Variants in AGBL1 observed in about 807,000 individuals in gnomAD.
The protein encoded by AGBL1 is cytosolic carboxypeptidase 4.
AGBL1 carries 130 observed loss-of-function variants against 118.9 expected under a neutral mutation model. The ratio of observed to expected loss-of-function variants is 1.09; its 90% CI spans 0.95 to 1.26. The LOEUF (loss-of-function observed/expected upper bound fraction) is 1.26. Ranked by LOEUF, AGBL1 falls within the 50% of genes most tolerant of loss-of-function variation. The pLI, the probability that AGBL1 is intolerant of heterozygous loss-of-function variation, is 0.00. For missense variants in AGBL1, 1,584 were observed against 1,298.1 expected, an observed-to-expected ratio of 1.22 and a Z score of -3.38; for synonymous variants, 555 against 478.9, an observed-to-expected ratio of 1.16 and a Z score of -2.08.
intron 22 of AGBL1, among the ~76,000 whole-genome samples, chr15:86,819,716 C>T (rs987040564): frequency 1.3e-5 from 2 of 152,072 alleles, no homozygotes; most frequent in African/African-American, 2.4e-5. Context: ...GGCTATACTG[C>T]CCAAAGTAAT....
intron 18 of AGBL1, among the ~76,000 whole-genome samples, chr15:86,415,253 T>C (rs1806511057): frequency 1.3e-5 from 2 of 152,098 alleles, no homozygotes; most frequent in African/African-American, 4.8e-5. Context: ...GGAAAGAAGA[T>C]CCCTTTGGCT....
intron 1 of AGBL1, among the ~76,000 whole-genome samples, chr15:86,122,298 T>A (rs1898137456): frequency 6.6e-6 from 1 of 152,162 alleles, no homozygotes; most frequent in African/African-American, 2.4e-5. Flanking sequence ...ATGTAGATAT[T>A]CCCGTGAAAG....
intron 1 of AGBL1, among the ~76,000 whole-genome samples, chr15:86,085,717 C>G (rs945163819): frequency 7.9e-5 from 12 of 152,180 alleles, no homozygotes; most frequent in African/African-American, 2.9e-4. Context: ...GGAGGAAGGG[C>G]TGGGATGAAC....
intron 19 of AGBL1, 48 bp from the exon 20 acceptor site, chr15:86,545,954 C>T (rs1288598656): frequency 6.3e-7 from 1 of 1,590,466 alleles, no homozygotes; most frequent in African/African-American, 1.3e-5. Context: ...ATTTAAGAAA[C>T]CAATGACCTG....
At chr15:86,849,887 G>A (rs927547317) in intron 22 of AGBL1, among the ~76,000 whole-genome samples, 3 of 152,182 alleles carry the variant, frequency 2.0e-5, no homozygotes, top group African/African-American at 4.8e-5. Context: ...TCGACATCAC[G>A]CTTTAATTTT....
intron 21 of AGBL1, among the ~76,000 whole-genome samples, chr15:86,587,990 G>C (rs1567072206): frequency 1.3e-5 from 2 of 152,128 alleles, no homozygotes; most frequent in East Asian, 3.9e-4. Context: ...CTTTGTATAT[G>C]TATGCATGTA....
chr15:86,747,823 G>C (rs1193941308), intron 22 of AGBL1, among the ~76,000 whole-genome samples: 1 of 152,096 alleles, frequency 6.6e-6, no homozygotes, highest in African/African-American at 2.4e-5. Context: ...ATTTTTTATG[G>C]CTGCATACTA....
chr15:86,257,853 C>T, intron 8 of AGBL1, 111 bp from the exon 9 acceptor site: 1 of 973,060 alleles, frequency 1.0e-6, no homozygotes, highest in Non-Finnish European at 1.6e-6. Flanking sequence ...TAATATTGGG[C>T]CCCTTATTTG....
intron 17 of AGBL1, among the ~76,000 whole-genome samples, chr15:86,381,736 G>A (rs191744462): frequency 1.1e-4 from 16 of 152,250 alleles, no homozygotes; most frequent in African/African-American, 3.1e-4. Context: ...AAGAGAGGGC[G>A]TGAGAGGGCT....
At chr15:86,471,008 C>G (rs371124648) in intron 18 of AGBL1, among the ~76,000 whole-genome samples, 1 of 152,106 alleles carries the variant, frequency 6.6e-6, no homozygotes, top group Admixed American at 6.5e-5. Context: ...ATTTTTATGC[C>G]TTTTATTTCC....
At chr15:86,364,199 A>G (rs1388456807) in intron 17 of AGBL1, among the ~76,000 whole-genome samples, 2 of 152,214 alleles carry the variant, frequency 1.3e-5, no homozygotes, top group Non-Finnish European at 2.9e-5. Context: ...TGTGAAATTC[A>G]GGATCCTCCA....
At chr15:86,888,710 G>A (rs2080007485) in intron 22 of AGBL1, among the ~76,000 whole-genome samples, 1 of 151,898 alleles carries the variant, frequency 6.6e-6, no homozygotes, top group African/African-American at 2.4e-5. Context: ...TGTGCTTATG[G>A]CCTCAAGCTG....
chr15:86,315,717 C>CAAAA (rs35136419), intron 17 of AGBL1, among the ~76,000 whole-genome samples: 14 of 127,494 alleles, frequency 1.1e-4, no homozygotes, highest in African/African-American at 3.5e-4. Context: ...GACTTTTTCT[C>CAAAA]AAAAAAAAAA....
intron 22 of AGBL1, among the ~76,000 whole-genome samples, chr15:86,812,658 T>C (rs1312165552): frequency 6.6e-6 from 1 of 152,118 alleles, no homozygotes; most frequent in Non-Finnish European, 1.5e-5. Flanking sequence ...TAGAGCACAG[T>C]AGATCTGCAA....
At chr15:86,783,916 C>T (rs773487030) in intron 22 of AGBL1, among the ~76,000 whole-genome samples, 4 of 152,186 alleles carry the variant, frequency 2.6e-5, no homozygotes, top group Non-Finnish European at 5.9e-5. Context: ...CAGGCGTGAG[C>T]CACCATGCCT....
intron 21 of AGBL1, among the ~76,000 whole-genome samples, chr15:86,660,240 C>T (rs1015647186): frequency 2.6e-5 from 4 of 151,842 alleles, no homozygotes; most frequent in Non-Finnish European, 5.9e-5. Flanking sequence ...GCCGATTGAC[C>T]GGGGCTTCAT....
chr15:86,743,773 G>T (rs2077715309), intron 22 of AGBL1, among the ~76,000 whole-genome samples: 1 of 152,046 alleles, frequency 6.6e-6, no homozygotes, highest in African/African-American at 2.4e-5. Context: ...TATTGGAAAG[G>T]TTATGAGTTG....
At chr15:86,706,503 A>C (rs184967678) in intron 22 of AGBL1, among the ~76,000 whole-genome samples, 1 of 151,948 alleles carries the variant, frequency 6.6e-6, no homozygotes, top group Non-Finnish European at 1.5e-5. Flanking sequence ...ACAACCTTGC[A>C]CTCATCTCCT....
intron 21 of AGBL1, among the ~76,000 whole-genome samples, chr15:86,563,614 T>G (rs1164510308): frequency 6.6e-6 from 1 of 152,048 alleles, no homozygotes; most frequent in Non-Finnish European, 1.5e-5. Context: ...TCTGTTGATT[T>G]GGGGTGGATG....
Sources: gnomAD v4.1 joint callset for allele counts (sites outside exome capture counted in the v4.1 genomes callset) on GRCh38, gnomAD v4.1.1 for gene constraint, MANE v1.5 for transcripts, NCBI Gene and HGNC (gene_info 2026-07-23, HGNC 2026-07-21) for gene names.